Variants in NTM observed in about 807,000 individuals in gnomAD.
NTM encodes the protein IgLON family member 2.
NTM carries 13 observed loss-of-function variants against 42.1 expected under a neutral mutation model. The observed-to-expected ratio is 0.31, with a 90% CI of 0.20 to 0.49. The LOEUF is 0.49. Ranked by LOEUF, NTM falls within the 20% of genes least tolerant of loss-of-function variation. NTM has a pLI of 0.99. For synonymous variants in NTM, 187 were observed against 179.2 expected (o/e 1.04, Z -0.35); for missense variants, 373 against 452.8 (o/e 0.82, Z 1.60).
intron 3 of NTM, among the ~76,000 whole-genome samples, chr11:132,176,707 G>GTATACATGCC (rs2076864642): frequency 1.5e-5 from 2 of 137,206 alleles, no homozygotes; most frequent in Non-Finnish European, 3.1e-5. Context: ...TCCTAGTTGA[G>GTATACATGCC]TATACATGCC....
chr11:131,674,815 A>C (rs2134695596), intron 1 of NTM, among the ~76,000 whole-genome samples: 1 of 152,308 alleles, frequency 6.6e-6, no homozygotes, highest in East Asian at 1.9e-4. Flanking sequence ...TCAGGCACCT[A>C]AACTCATTGC....
At chr11:132,239,434 A>G (rs1241733263) in intron 4 of NTM, among the ~76,000 whole-genome samples, 1 of 152,232 alleles carries the variant, frequency 6.6e-6, no homozygotes, top group East Asian at 1.9e-4. Flanking sequence ...AAAATGGTTT[A>G]TTAGAAAATT....
chr11:132,196,994 G>A (rs2080330846), intron 3 of NTM, among the ~76,000 whole-genome samples: 1 of 152,212 alleles, frequency 6.6e-6, no homozygotes, highest in East Asian at 1.9e-4. Context: ...CTGTGAGAGT[G>A]AAGCTCAAAG....
At chr11:131,511,111 G>A (rs888007330) in intron 1 of NTM, among the ~76,000 whole-genome samples, 17 of 152,248 alleles carry the variant, frequency 1.1e-4, no homozygotes, top group African/African-American at 4.1e-4. Flanking sequence ...GAGGGGGACA[G>A]TGTCCTGTGC....
intron 3 of NTM, among the ~76,000 whole-genome samples, chr11:132,186,469 C>T (rs2078414675): frequency 6.6e-6 from 1 of 152,204 alleles, no homozygotes; most frequent in Non-Finnish European, 1.5e-5. Context: ...TCCCAGCTCC[C>T]CGAGGAACCT....
intron 2 of NTM, among the ~76,000 whole-genome samples, chr11:132,088,045 A>G (rs1264151351): frequency 1.3e-5 from 2 of 152,256 alleles, no homozygotes; most frequent in Non-Finnish European, 1.5e-5. Flanking sequence ...ACCCCAGCCA[A>G]GAGGGAAGTG....
chr11:131,518,733 T>C (rs925309551), intron 1 of NTM, among the ~76,000 whole-genome samples: 12 of 152,188 alleles, frequency 7.9e-5, no homozygotes, highest in Non-Finnish European at 1.8e-4. Context: ...TTTCCTGCTT[T>C]CTCTATTTTT....
chr11:131,631,371 T>C lies in NTM; in HGVS notation c.82+260483T>C, dbSNP rs541489009. On this transcript the variant is annotated intron_variant, in intron 1 of 8. Transcript: ENST00000683400. The stretch of plus-strand genomic sequence containing the variant: ...TTTCAATCAACCTAACTTGTCAATT[T>C]CAGATTCTGTTTCCTGTCCATAATA... 2.0e-5 allele frequency among the ~76,000 whole-genome samples: 3 copies of C among 152,328 alleles called. No individual in the cohort carries two copies. The South Asian group carries it at 6.2e-4, about 32-fold the overall frequency.
rs140740972 is a variant in NTM at position 132,303,798 on chromosome 11, TGCA to T, written c.527-3886_527-3884del. ...AACTAGCATGGCCTGGCAGGAGAGCTGCAGCAGTGGCAGTGGTGGCGTGGTATA... is the reference window on the plus strand; with the variant it reads ...AACTAGCATGGCCTGGCAGGAGAGCTGCAGTGGCAGTGGTGGCGTGGTATA... On this transcript the variant is annotated intron_variant, in intron 4 of 8. Transcript: ENST00000683400. Among the ~76,000 whole-genome samples the T allele has an allele frequency of 6.8e-3, 1,033 of 151,854 alleles. 14 individuals carry two copies. Among genetic ancestry groups the T allele is most frequent in the African/African-American group, 0.024 (999 of 41,404 alleles).
intron 1 of NTM, among the ~76,000 whole-genome samples, chr11:131,462,850 T>TAGGGTGGTCCACCACCTTCTCCCTAGAGC (rs1438552007): frequency 6.6e-6 from 1 of 150,586 alleles, no homozygotes; most frequent in African/African-American, 2.5e-5. Context: ...CTCACTAGAG[T>TAGGGTGGTCCACCACCTTCTCCCTAGAGC]AGGCCCACCT....
rs148592246 is a variant in NTM, at chr11:131,848,754, C to T, written c.83-62810C>T. Among the ~76,000 whole-genome samples, 657 of 152,262 alleles carry T rather than the reference C, an allele frequency of 4.3e-3. 1 individual carries two copies. The highest frequency in any genetic ancestry group is 0.015 in the African/African-American group (609 of 41,544). The stretch of plus-strand genomic sequence containing the variant: ...TGCAGATGTCAGATTGGCCCCAAAT[C>T]GCACACCTAGGAAATATCAGAGCCA... On this transcript the variant is annotated intron_variant, in intron 1 of 8. Transcript: ENST00000683400.
chr11:131,879,315 G>A (rs921385563), intron 1 of NTM, among the ~76,000 whole-genome samples: 5 of 152,268 alleles, frequency 3.3e-5, no homozygotes, highest in South Asian at 2.1e-4. Flanking sequence ...GAAGCACAGC[G>A]TCCACCCGTC....
chr11:131,767,169 C>G (rs908226293), intron 1 of NTM: 22 of 954,344 alleles, frequency 2.3e-5, no homozygotes, highest in Non-Finnish European at 2.6e-5. Flanking sequence ...ACTAAATTCT[C>G]AAAGACAAAT....
chr11:131,514,936 G>A (rs1451469777), intron 1 of NTM, among the ~76,000 whole-genome samples: 1 of 151,946 alleles, frequency 6.6e-6, no homozygotes, highest in Admixed American at 6.6e-5. Context: ...GAGAGACAAG[G>A]TCTTCCTCTG....
chr11:131,576,342 C>T (rs543131497), intron 1 of NTM, among the ~76,000 whole-genome samples: 1 of 152,230 alleles, frequency 6.6e-6, no homozygotes, highest in African/African-American at 2.4e-5. Flanking sequence ...ATTGGTCCAT[C>T]TAAATGCACA....
intron 4 of NTM, among the ~76,000 whole-genome samples, chr11:132,250,999 T>C (rs2091883463): frequency 6.6e-6 from 1 of 152,238 alleles, no homozygotes; most frequent in Non-Finnish European, 1.5e-5. Flanking sequence ...TGAAAGCACC[T>C]TCCCTAAAGA....
intron 1 of NTM, among the ~76,000 whole-genome samples, chr11:131,393,675 G>A (rs1000587380): frequency 2.6e-5 from 4 of 152,132 alleles, no homozygotes; most frequent in African/African-American, 9.7e-5. Flanking sequence ...CCTACCTTTG[G>A]CCCATGCCTC....
At chr11:132,178,506 T>C (rs866234592) in intron 3 of NTM, among the ~76,000 whole-genome samples, 2 of 152,340 alleles carry the variant, frequency 1.3e-5, no homozygotes, top group Middle Eastern at 6.8e-3. Flanking sequence ...TACCCTTTTG[T>C]TTTGTGTTTT....
intron 4 of NTM, among the ~76,000 whole-genome samples, chr11:132,228,548 C>T (rs1479475315): frequency 1.3e-5 from 2 of 152,200 alleles, no homozygotes; most frequent in Non-Finnish European, 2.9e-5. Context: ...ATTGATAGAA[C>T]ATTGTATAAG....
Sources: gnomAD v4.1 joint callset for allele counts (sites outside exome capture counted in the v4.1 genomes callset) on GRCh38, gnomAD v4.1.1 for gene constraint, MANE v1.5 for transcripts, NCBI Gene and HGNC (gene_info 2026-07-23, HGNC 2026-07-21) for gene names.